Variants in COL23A1 observed in about 807,000 individuals in gnomAD.
COL23A1 encodes collagen type XXIII alpha 1 chain, also known as collagen alpha-1(XXIII) chain.
Under a neutral mutation model 99.3 loss-of-function variants are expected in COL23A1, and 97 were observed. The ratio of observed to expected loss-of-function variants is 0.98; its 90% CI spans 0.83 to 1.16. The LOEUF (loss-of-function observed/expected upper bound fraction) is 1.16, where lower values mean the gene tolerates loss of function less well. Among genes scored for constraint, COL23A1 ranks in the 50% most tolerant of loss-of-function variants. The pLI, the probability that COL23A1 is intolerant of heterozygous loss-of-function variation, is 0.00. For synonymous variants in COL23A1, 320 were observed against 308.2 expected (o/e 1.04, Z -0.40); for missense variants, 762 against 757.4 (o/e 1.01, Z -0.07).
chr5:178,445,852 T>C (rs1254535373), intron 2 of COL23A1, among the ~76,000 whole-genome samples: 1 of 152,050 alleles, frequency 6.6e-6, no homozygotes, highest in Non-Finnish European at 1.5e-5. Context: ...GAAAGGCAGC[T>C]GAGAAACTGA....
intron 2 of COL23A1, among the ~76,000 whole-genome samples, chr5:178,521,426 G>A (rs754722087): frequency 2.2e-4 from 33 of 152,130 alleles, no homozygotes; most frequent in Non-Finnish European, 4.0e-4. Context: ...GGTGGCAGGC[G>A]CCTGTATTCC....
At chr5:178,535,582 A>G (rs1454525856) in intron 2 of COL23A1, among the ~76,000 whole-genome samples, 1 of 152,270 alleles carries the variant, frequency 6.6e-6, no homozygotes, top group Admixed American at 6.5e-5. Context: ...CAGCCCCTCC[A>G]GGCCAGGGTC....
chr5:178,276,041 G>T (rs1490692248), intron 5 of COL23A1, among the ~76,000 whole-genome samples: 2 of 152,218 alleles, frequency 1.3e-5, no homozygotes, highest in African/African-American at 4.8e-5. Flanking sequence ...ATTTGAAACT[G>T]GTGGTCCTAT....
At chr5:178,555,568 T>C (rs969653690) in intron 2 of COL23A1, among the ~76,000 whole-genome samples, 5 of 152,230 alleles carry the variant, frequency 3.3e-5, no homozygotes, top group Non-Finnish European at 5.9e-5. Context: ...TCTAGTTGTC[T>C]GCACTAAAAA....
chr5:178,343,951 G>A (rs1042739844), intron 2 of COL23A1, among the ~76,000 whole-genome samples: 3 of 152,020 alleles, frequency 2.0e-5, no homozygotes, highest in Admixed American at 6.6e-5. Flanking sequence ...GTGAGCCACC[G>A]TACCCGGCCT....
intron 4 of COL23A1, among the ~76,000 whole-genome samples, chr5:178,289,327 T>C (rs1359094797): frequency 1.3e-5 from 2 of 152,212 alleles, no homozygotes; most frequent in Non-Finnish European, 2.9e-5. Flanking sequence ...ACTGACAGCA[T>C]GAATCAAAGG....
intron 2 of COL23A1, among the ~76,000 whole-genome samples, chr5:178,325,654 G>A (rs949270326): frequency 3.3e-5 from 5 of 152,178 alleles, no homozygotes; most frequent in Non-Finnish European, 7.3e-5. Context: ...CAGTCCCATT[G>A]CCAGACCACG....
At chr5:178,523,865 G>T (rs934109783) in intron 2 of COL23A1, among the ~76,000 whole-genome samples, 3 of 152,146 alleles carry the variant, frequency 2.0e-5, no homozygotes, top group African/African-American at 7.2e-5. Flanking sequence ...TGTTACACGG[G>T]GAGAGGCAAG....
At chr5:178,326,712 A>G (rs1299076591) in intron 2 of COL23A1, among the ~76,000 whole-genome samples, 4 of 151,976 alleles carry the variant, frequency 2.6e-5, no homozygotes, top group African/African-American at 7.3e-5. Context: ...AAATGACTCA[A>G]TTCTTTTTGT....
rs761044673 is a variant in COL23A1 at position 178,408,955 on chromosome 5, C to CA, written c.362-102037dup. Reference sequence around the variant, plus strand: ...GGGCGACAAGAGCGAAACTCTGTCTCAAAAAAAAAAAAAAAAAAATACACA... The same window carrying CA: ...GGGCGACAAGAGCGAAACTCTGTCTCAAAAAAAAAAAAAAAAAAAATACACA... On this transcript the variant is annotated intron_variant, in intron 2 of 28. Coordinates refer to ENST00000390654, the MANE Select transcript of COL23A1 (RefSeq NM_173465.4). 7.5e-3 allele frequency among the ~76,000 whole-genome samples: 537 copies of CA among 71,656 alleles called. 33 individuals are homozygous for CA. The highest frequency in any genetic ancestry group is 0.027 in the African/African-American group (463 of 17,210). The allele number at this position is 71,656 out of a possible 152,430, so 47.0% of individuals were successfully genotyped here.
At chr5:178,583,215 A>C (rs1340809225) in intron 1 of COL23A1, among the ~76,000 whole-genome samples, 1 of 152,260 alleles carries the variant, frequency 6.6e-6, no homozygotes, top group Admixed American at 6.5e-5. Context: ...ATCAATGTAC[A>C]TAAACCCCTA....
intron 5 of COL23A1, among the ~76,000 whole-genome samples, chr5:178,279,213 G>A (rs1756756778): frequency 6.6e-6 from 1 of 152,150 alleles, no homozygotes; most frequent in African/African-American, 2.4e-5. Context: ...TCTTCCTCCT[G>A]AGCGCCTCCT....
intron 8 of COL23A1, chr5:178,265,725 A>G: frequency 1.0e-6 from 1 of 985,720 alleles, no homozygotes; most frequent in Non-Finnish European, 1.2e-6. Flanking sequence ...TGGGAAAACC[A>G]TCTAGTCAGC....
intron 2 of COL23A1, among the ~76,000 whole-genome samples, chr5:178,488,423 T>C (rs747874173): frequency 2.0e-5 from 3 of 152,062 alleles, no homozygotes; most frequent in Non-Finnish European, 4.4e-5. Flanking sequence ...TGTGACCTCC[T>C]CTCCCTTTGT....
chr5:178,433,501 T>C (rs987102944), intron 2 of COL23A1, among the ~76,000 whole-genome samples: 2 of 152,268 alleles, frequency 1.3e-5, no homozygotes, highest in South Asian at 4.1e-4. Context: ...ACGGGCACAG[T>C]TGATCAGATC....
Position 178,271,184 on chromosome 5 carries a change from G to A in COL23A1, c.442-821C>T, listed in dbSNP as rs113634298. Among the ~76,000 whole-genome samples the A allele has an allele frequency of 4.0e-3, 609 of 152,276 alleles. 4 individuals are homozygous for A. Among genetic ancestry groups the A allele is most frequent in the African/African-American group, 0.014 (582 of 41,568 alleles). On this transcript the variant is annotated intron_variant, in intron 5 of 28. Transcript: ENST00000390654. ...CCTACCACTCACTCAACAAAGCCTC[G>A]CCTAGCTCCCCTCCGTGTGGGAGTG...
chr5:178,585,963 C>A (rs1039732078), intron 1 of COL23A1, among the ~76,000 whole-genome samples: 1 of 152,190 alleles, frequency 6.6e-6, no homozygotes, highest in Non-Finnish European at 1.5e-5. Context: ...GAAAGTTTTC[C>A]CCTGAATTGA....
At chr5:178,430,293 C>T (rs893336470) in intron 2 of COL23A1, among the ~76,000 whole-genome samples, 2 of 152,150 alleles carry the variant, frequency 1.3e-5, no homozygotes, top group African/African-American at 4.8e-5. Context: ...CACTGGGGCC[C>T]CAGGTTCCTG....
At chr5:178,361,553 C>T (rs917205446) in intron 2 of COL23A1, among the ~76,000 whole-genome samples, 1 of 152,084 alleles carries the variant, frequency 6.6e-6, no homozygotes, top group African/African-American at 2.4e-5. Flanking sequence ...CCCACCTCCA[C>T]CTTCAACCCA....
Sources: allele counts gnomAD v4.1 joint callset (sites outside exome capture counted in the v4.1 genomes callset), GRCh38; gene constraint gnomAD v4.1.1; transcripts MANE v1.5; gene names NCBI Gene and HGNC (gene_info 2026-07-23, HGNC 2026-07-21).